Variants in KDM7A observed in about 807,000 individuals in gnomAD.
The protein encoded by KDM7A is lysine-specific demethylase 7A.
In KDM7A, 28 loss-of-function variants were observed where a neutral mutation model predicts 114.8. The observed-to-expected ratio is 0.24, with a 90% CI of 0.18 to 0.33. The LOEUF (loss-of-function observed/expected upper bound fraction) is 0.33, where lower values mean the gene tolerates loss of function less well. KDM7A is among the 10% of genes least tolerant of loss of function. KDM7A has a pLI of 1.00. For missense variants in KDM7A, 942 were observed against 1,142.5 expected (o/e 0.82, Z 2.53); for synonymous variants, 423 against 397.8 (o/e 1.06, Z -0.75).
chr7:140,100,687 T>TATATATATATATATATATATATAC, intron 12 of KDM7A, among the ~76,000 whole-genome samples: 1 of 40,922 alleles, frequency 2.4e-5, no homozygotes. Flanking sequence ...TATACATATA[T>TATATATATATATATATATATATAC]ACATATATAT....
intron 3 of KDM7A, 75 bp downstream of exon 3, chr7:140,133,464 C>T (rs1248218833): frequency 1.1e-5 from 9 of 834,346 alleles, no homozygotes; most frequent in Non-Finnish European, 1.6e-5. Context: ...AAAACATTGC[C>T]TTTATATAAT....
In KDM7A at chr7:140,116,973, AAAC is replaced by A. The variant is rs1818540271; in HGVS notation, c.1246+2137_1246+2139del. Among the ~76,000 whole-genome samples, 5 of 152,366 alleles carry A rather than the reference AAAC, an allele frequency of 3.3e-5. No homozygotes were observed. The South Asian group carries it at 8.3e-4, about 25-fold the overall frequency. On this transcript the variant is annotated intron_variant, in intron 9 of 19. Coordinates refer to ENST00000397560, the MANE Select transcript of KDM7A (RefSeq NM_030647.2). ...GCCTTAGAACAGTCTGAGAGCTGGC[AAAC>A]AATAGGCCACAATGTAAAGTAAAAA...
intron 10 of KDM7A, among the ~76,000 whole-genome samples, chr7:140,112,542 C>T (rs892665016): frequency 1.3e-5 from 2 of 151,182 alleles, no homozygotes; most frequent in African/African-American, 2.4e-5. Flanking sequence ...ACCCAGGAGG[C>T]GTAGGTTGCA....
rs1018618821 is a variant in KDM7A at position 140,176,337 on chromosome 7, G to A, written c.194+407C>T. Among the ~76,000 whole-genome samples the A allele has an allele frequency of 2.1e-5, 3 of 143,052 alleles. No homozygotes were observed. Among genetic ancestry groups the A allele is most frequent in the Non-Finnish European group, 4.6e-5 (3 of 65,226 alleles). 93.8% of individuals were successfully genotyped at this position (143,052 alleles called of 152,430 possible). A position where few individuals can be genotyped will look rare whatever the true frequency, so the allele number is the denominator to read the frequency against. ...GGCGGGGCGGCCGGCGACTCCGGCC[G>A]GAGCCCCGGGCGCGGCGGGGCGGGG... On this transcript the variant is annotated intron_variant, in intron 1 of 19. Transcript: ENST00000397560. This position sits in a 1 kb window ranked among gnomAD's most constrained non-coding sequence, Gnocchi z 4.4.
chr7:140,101,738 C>T (rs1306524403), intron 12 of KDM7A, among the ~76,000 whole-genome samples: 3 of 152,132 alleles, frequency 2.0e-5, no homozygotes, highest in Non-Finnish European at 4.4e-5. Context: ...AACATATCAG[C>T]AATCGAATGA....
intron 11 of KDM7A, among the ~76,000 whole-genome samples, chr7:140,107,152 G>C (rs1466982138): frequency 6.6e-6 from 1 of 151,868 alleles, no homozygotes; most frequent in Non-Finnish European, 1.5e-5. Flanking sequence ...CCTTTATTTT[G>C]AGCCTATGTG....
chr7:140,106,401 C>T (rs1372320847), intron 11 of KDM7A, among the ~76,000 whole-genome samples: 1 of 152,156 alleles, frequency 6.6e-6, no homozygotes, highest in Admixed American at 6.5e-5. Context: ...TTACATCTTT[C>T]CTGCTTTCTC....
At chr7:140,097,173 T>C (rs1818129019) in intron 15 of KDM7A, 126 bp from the exon 16 acceptor site, 2 of 700,060 alleles carry the variant, frequency 2.9e-6, no homozygotes, top group Non-Finnish European at 4.7e-6. Flanking sequence ...ATTATTTCTG[T>C]AATTCACATG....
At chr7:140,173,903 C>G (rs953914139) in intron 1 of KDM7A, among the ~76,000 whole-genome samples, 5 of 152,220 alleles carry the variant, frequency 3.3e-5, no homozygotes, top group Non-Finnish European at 7.4e-5. Flanking sequence ...GTGGCTCACA[C>G]CTGTAATCCC....
chr7:140,117,530 G>C (rs1047337205), intron 9 of KDM7A, among the ~76,000 whole-genome samples: 5 of 152,096 alleles, frequency 3.3e-5, no homozygotes, highest in African/African-American at 1.2e-4. Context: ...CAGGAACTTG[G>C]AGTCTTGGGA....
In KDM7A at chr7:140,126,843, C is replaced by T. The variant is rs1818712429; in HGVS notation, c.702-20G>A. 8.4e-6 allele frequency: 13 copies of T among 1,543,664 alleles called. No homozygotes were observed. The highest frequency in any genetic ancestry group is 1.2e-5 in the South Asian group (1 of 86,436). On this transcript the variant is annotated intron_variant, in intron 5 of 19. Coordinates refer to ENST00000397560, the MANE Select transcript of KDM7A (RefSeq NM_030647.2). ...GACATCCTTTCAAAAAACAAACATA[C>T]ACACACACCCACATCATGCAAATTA...
In KDM7A at chr7:140,085,168, T is replaced by TCA. The variant is rs1018903727; in HGVS notation, c.*5924_*5925dup. ...CTTCCGGACTGAAAGGACACACATG[T>TCA]CACACACATTGACTGCCTATACAAA... is the stretch of plus-strand genomic sequence containing the variant. On this transcript the variant is annotated 3_prime_UTR_variant, in exon 20 of 20. Transcript: ENST00000397560. The TCA allele has an allele frequency of 1.3e-5, 2 of 152,230 alleles. No homozygotes were observed. The highest frequency in any genetic ancestry group is 2.9e-5 in the Non-Finnish European group (2 of 68,016). 9.4% of individuals were successfully genotyped at this position (152,230 alleles called of 1,614,324 possible).
At chr7:140,163,590 A>G (rs1177112336) in intron 1 of KDM7A, among the ~76,000 whole-genome samples, 1 of 151,908 alleles carries the variant, frequency 6.6e-6, no homozygotes, top group Non-Finnish European at 1.5e-5. Flanking sequence ...CCCTCTTACC[A>G]GATTGTTTTT....
chr7:140,141,472 T>C (rs564827595), intron 1 of KDM7A, among the ~76,000 whole-genome samples: 13 of 152,264 alleles, frequency 8.5e-5, no homozygotes, highest in East Asian at 1.9e-4. Context: ...TGTATATGTG[T>C]GCACTCATAT....
At chr7:140,144,173 G>C (rs536142830) in intron 1 of KDM7A, among the ~76,000 whole-genome samples, 1 of 152,304 alleles carries the variant, frequency 6.6e-6, no homozygotes, top group Admixed American at 6.5e-5. Flanking sequence ...TAGACACACC[G>C]AATAGAACTG....
intron 1 of KDM7A, among the ~76,000 whole-genome samples, chr7:140,173,897 C>T (rs1794672830): frequency 6.6e-6 from 1 of 152,146 alleles, no homozygotes. Context: ...GGCAGGGTGG[C>T]TCACACCTGT....
At chr7:140,132,816 C>T (rs976799965) in intron 3 of KDM7A, among the ~76,000 whole-genome samples, 1 of 152,100 alleles carries the variant, frequency 6.6e-6, no homozygotes, top group African/African-American at 2.4e-5. Flanking sequence ...GGGGTTTTAT[C>T]GTTTCAGGAT....
In KDM7A at chr7:140,090,936, T is replaced by C. The variant is rs1274595849; in HGVS notation, c.*158A>G. The C allele has an allele frequency of 9.7e-6, 6 of 621,334 alleles. No individual in the cohort carries two copies. The highest frequency in any genetic ancestry group is 1.7e-5 in the Non-Finnish European group (6 of 343,508). 38.5% of individuals were successfully genotyped at this position (621,334 alleles called of 1,614,324 possible). A position where few individuals can be genotyped will look rare whatever the true frequency, so the allele number is the denominator to read the frequency against. On this transcript the variant is annotated 3_prime_UTR_variant, in exon 20 of 20. Transcript: ENST00000397560. ...CAAAATGGTTATTGCTGAGTGGGTG[T>C]GGCACAGTGAAAATGCAGCATCAGG...
chr7:140,131,803 T>C lies in KDM7A; in HGVS notation c.398+1736A>G, dbSNP rs540396769. On this transcript the variant is annotated intron_variant, in intron 3 of 19. Transcript: ENST00000397560. ...TACATAATGACAAGTGTTTAAAATA[T>C]AGGTACATTTTTTGCAAGAGGAAAA... Among the ~76,000 whole-genome samples, 14 of 152,350 alleles carry C rather than the reference T, an allele frequency of 9.2e-5. No homozygotes were observed. The South Asian group carries it at 2.7e-3, about 29-fold the overall frequency.
Sources: allele counts gnomAD v4.1 joint callset (sites outside exome capture counted in the v4.1 genomes callset), GRCh38; gene constraint gnomAD v4.1.1; non-coding constraint Gnocchi (gnomAD v3.1); transcripts MANE v1.5; gene names NCBI Gene and HGNC (gene_info 2026-07-23, HGNC 2026-07-21).